The following MSANTD1 variants were observed in gnomAD, a reference collection of about 807,000 sequenced individuals.
MSANTD1 encodes the protein Myb/SANT DNA binding domain containing 1, also known as myb/SANT-like DNA-binding domain-containing protein 1.
A neutral mutation model predicts 24.2 loss-of-function variants in MSANTD1; 7 were observed. That is an observed-to-expected ratio of 0.29 (90% CI 0.16 to 0.54). The LOEUF (loss-of-function observed/expected upper bound fraction) is 0.54. Ranked by LOEUF, MSANTD1 falls within the 20% of genes least tolerant of loss-of-function variation. The pLI is 0.94. For missense variants in MSANTD1, 384 were observed against 408.2 expected, an observed-to-expected ratio of 0.94 and a Z score of 0.51; for synonymous variants, 177 against 181.1, an observed-to-expected ratio of 0.98 and a Z score of 0.18.
intron 2 of MSANTD1, among the ~76,000 whole-genome samples, chr4:3,255,209 T>C (rs1352668244): frequency 6.6e-6 from 1 of 151,832 alleles, no homozygotes; most frequent in Admixed American, 6.6e-5. Flanking sequence ...CGGCAATGCC[T>C]GTGGCCTCTC....
At position 3,256,486 on chromosome 4, in the gene MSANTD1, C is replaced by G. The variant is rs1057467623; in HGVS notation, c.*521C>G. 1 of 152,454 alleles carries G rather than the reference C, an allele frequency of 6.6e-6. No homozygotes were observed. 9.4% of individuals were successfully genotyped at this position (152,454 alleles called of 1,614,324 possible). On this transcript the variant is annotated 3_prime_UTR_variant, in exon 3 of 3. Coordinates refer to ENST00000438480, the MANE Select transcript of MSANTD1 (RefSeq NM_001042690.2). Reference sequence around the variant, plus strand: ...CTCTGCGTCTCTCCTTAAATGGCCTCTGACGCCTGATGAAAACCCCAGCGA... The same window carrying G: ...CTCTGCGTCTCTCCTTAAATGGCCTGTGACGCCTGATGAAAACCCCAGCGA...
intron 2 of MSANTD1, 80 bp downstream of exon 2, chr4:3,253,562 G>C: frequency 7.2e-7 from 1 of 1,390,314 alleles, no homozygotes; most frequent in South Asian, 1.8e-5. Flanking sequence ...GGAGTGGCAA[G>C]GCCGGCGGCG....
rs1450922347 is a variant in MSANTD1 at position 3,249,199 on chromosome 4, G to T, written c.-24G>T. ...TTTGAGCGTGGAGCTGCCTTCGAGC[G>T]AGCGTGAGCGGCGCCTCCCGCCCAT... On this transcript the variant is annotated 5_prime_UTR_variant, in exon 1 of 3. Coordinates refer to ENST00000438480, the MANE Select transcript of MSANTD1 (RefSeq NM_001042690.2). 2.2e-6 allele frequency: 3 copies of T among 1,364,250 alleles called. No individual in the cohort carries two copies. The highest frequency in any genetic ancestry group is 1.9e-6 in the Non-Finnish European group (2 of 1,061,664). The allele number at this position is 1,364,250 out of a possible 1,614,324, so 84.5% of individuals were successfully genotyped here.
At position 3,255,919 on chromosome 4, in the gene MSANTD1, G is replaced by A. The variant is rs749943512; in HGVS notation, c.791G>A (p.Arg264His). 8.4e-6 allele frequency: 13 copies of A among 1,544,764 alleles called. No individual in the cohort carries two copies. The highest frequency in any genetic ancestry group is 3.9e-5 in the Admixed American group (2 of 50,892). Residue 264 changes from arginine (R) to histidine (H), a missense_variant, in exon 3 of 3, where the codon CGC becomes CAC. Transcript: ENST00000438480. ...GTGCAGAGCCTGCAGCTGCAGGAGC[G>A]CATGATGAGTCTGCTGGAGAGGATC... ...LQVQSLQLQE[R>H]MMSLLERIIT...
upstream of MSANTD1, chr4:3,246,735 C>T (rs1190752917): frequency 1.2e-5 from 8 of 665,892 alleles, no homozygotes; most frequent in African/African-American, 5.4e-5. Context: ...AGCTGGGTGC[C>T]TGGTGCTGCC....
rs577414895 is a variant in MSANTD1, at chr4:3,256,046, C to A, written c.*81C>A. 4.3e-6 allele frequency: 6 copies of A among 1,396,224 alleles called. No homozygotes were observed. Among genetic ancestry groups the A allele is most frequent in the African/African-American group, 3.0e-5 (2 of 66,154 alleles). The allele number at this position is 1,396,224 out of a possible 1,614,324, so 86.5% of individuals were successfully genotyped here. On this transcript the variant is annotated 3_prime_UTR_variant, in exon 3 of 3. Transcript: ENST00000438480. Reference sequence around the variant, plus strand: ...CCCAGGGCAGGCCACTCAGGCCAGGCGGGCAAGGGGGCCGCCCCGCGAGCG... The same window carrying A: ...CCCAGGGCAGGCCACTCAGGCCAGGAGGGCAAGGGGGCCGCCCCGCGAGCG...
intron 1 of MSANTD1, among the ~76,000 whole-genome samples, chr4:3,253,003 CG>C (rs1201184057): frequency 3.3e-5 from 5 of 152,214 alleles, no homozygotes; most frequent in African/African-American, 1.2e-4. Flanking sequence ...CATCTGAGCC[CG>C]TGTAGGTCCT....
At chr4:3,253,574 C>T (rs921752784) in intron 2 of MSANTD1, 92 bp downstream of exon 2, 55 of 1,346,650 alleles carry the variant, frequency 4.1e-5, no homozygotes, top group East Asian at 5.5e-5. Context: ...CCGGCGGCGG[C>T]GGCCACAGTG....
intron 1 of MSANTD1, among the ~76,000 whole-genome samples, chr4:3,250,446 G>A (rs1722189325): frequency 6.6e-6 from 1 of 152,232 alleles, no homozygotes; most frequent in Non-Finnish European, 1.5e-5. Context: ...GTGGGCAGGG[G>A]TCATGGTGGG....
chr4:3,253,346 T>C lies in MSANTD1; in HGVS notation c.460T>C (p.Ser154Pro). Residue 154 changes from serine (S) to proline (P), a missense_variant, in exon 2 of 3, where the codon TCC becomes CCC. Transcript: ENST00000438480. ...PDSQPPGPST[S>P]QTEASLSPPA... ...CAGCCAGCCGCCGGGGCCCTCCACG[T>C]CCCAGACCGAGGCGTCCCTGTCGCC... is the stretch of plus-strand genomic sequence containing the variant. The C allele has an allele frequency of 1.2e-6, 2 of 1,611,136 alleles. No individual in the cohort carries two copies. The highest frequency in any genetic ancestry group is 1.7e-6 in the Non-Finnish European group (2 of 1,178,814).
upstream of MSANTD1, chr4:3,248,230 CG>C (rs923960023): frequency 6.6e-6 from 1 of 152,288 alleles, no homozygotes; most frequent in African/African-American, 2.4e-5. Context: ...CTGGGGCTCT[CG>C]GCAGGCTGTG....
At chr4:3,251,201 A>T (rs1243426661) in intron 1 of MSANTD1, among the ~76,000 whole-genome samples, 1 of 152,168 alleles carries the variant, frequency 6.6e-6, no homozygotes, top group Non-Finnish European at 1.5e-5. Context: ...CCTGGTGAGG[A>T]AGGGACGCAG....
rs1006734823 is a variant in MSANTD1, at chr4:3,249,554, G to A, written c.320+12G>A. ...ACCTTCCAGTACAGGTGGGCGAGCG[G>A]GCAGTGTGGGCCCCACCAGGACGGG... On this transcript the variant is annotated intron_variant, in intron 1 of 2. Transcript: ENST00000438480. The A allele has an allele frequency of 1.9e-6, 3 of 1,601,774 alleles. No homozygotes were observed. The highest frequency in any genetic ancestry group is 2.6e-6 in the Non-Finnish European group (3 of 1,173,096).
intron 1 of MSANTD1, among the ~76,000 whole-genome samples, chr4:3,251,796 T>C (rs1722239343): frequency 6.6e-6 from 1 of 151,464 alleles, no homozygotes; most frequent in South Asian, 2.1e-4. Flanking sequence ...TGAAGTACAG[T>C]TTGGGGGCCT....
intron 1 of MSANTD1, among the ~76,000 whole-genome samples, chr4:3,251,734 G>A (rs1056112610): frequency 1.4e-5 from 2 of 144,752 alleles, no homozygotes; most frequent in Non-Finnish European, 3.0e-5. Context: ...TATTAAGGCT[G>A]TTGGGCTGAA....
At chr4:3,247,401 T>G (rs1015671415), upstream of MSANTD1, 1 of 152,120 alleles carries the variant, frequency 6.6e-6, no homozygotes, top group Admixed American at 6.5e-5. Context: ...GCCCTTGGAG[T>G]CATGGCTACG....
At chr4:3,245,848 G>C (rs983219546), upstream of MSANTD1, among the ~76,000 whole-genome samples, 3 of 152,216 alleles carry the variant, frequency 2.0e-5, no homozygotes, top group Admixed American at 2.0e-4. Context: ...AGGCCTCCAG[G>C]TGTCCTGGTC....
upstream of MSANTD1, chr4:3,245,314 C>T (rs908108570): frequency 2.0e-5 from 3 of 152,604 alleles, no homozygotes; most frequent in Non-Finnish European, 2.9e-5. Flanking sequence ...CCTGTGCCTT[C>T]GGTGGTATTT....
chr4:3,252,037 C>T (rs1421970688), intron 1 of MSANTD1, among the ~76,000 whole-genome samples: 1 of 152,230 alleles, frequency 6.6e-6, no homozygotes, highest in African/African-American at 2.4e-5. Flanking sequence ...CTTATTGTTT[C>T]CAACGGCCAA....
Sources: allele counts gnomAD v4.1 joint callset (sites outside exome capture counted in the v4.1 genomes callset), GRCh38; gene constraint gnomAD v4.1.1; transcripts MANE v1.5; gene names NCBI Gene and HGNC (gene_info 2026-07-23, HGNC 2026-07-21).